SDK1: variants seen among roughly 807,000 people sequenced by gnomAD.
SDK1 encodes the protein protein sidekick-1.
A neutral mutation model predicts 245.5 loss-of-function variants in SDK1; 157 were observed. That is an observed-to-expected ratio of 0.64 (90% CI 0.56 to 0.73). The LOEUF (loss-of-function observed/expected upper bound fraction) is 0.73. Among genes scored for constraint, SDK1 ranks in the 30% least tolerant of loss-of-function variants. SDK1 has a pLI of 0.00. For synonymous variants in SDK1, 1,647 were observed against 1,278.5 expected (o/e 1.29, Z -6.15); for missense variants, 3,583 against 3,002.3 (o/e 1.19, Z -4.52).
At chr7:3,817,254 C>T (rs936154657) in intron 4 of SDK1, among the ~76,000 whole-genome samples, 20 of 152,178 alleles carry the variant, frequency 1.3e-4, no homozygotes, top group Non-Finnish European at 5.9e-5. Context: ...AACTCTTCCC[C>T]TTGGGTCCAT....
intron 14 of SDK1, among the ~76,000 whole-genome samples, chr7:3,990,262 A>G (rs2128140580): frequency 6.6e-6 from 1 of 152,332 alleles, no homozygotes; most frequent in Non-Finnish European, 1.5e-5. Flanking sequence ...GTGAGGCCAG[A>G]GTCCAGGCCC....
At chr7:3,544,312 C>A (rs1300027176) in intron 1 of SDK1, among the ~76,000 whole-genome samples, 1 of 152,208 alleles carries the variant, frequency 6.6e-6, no homozygotes. Context: ...TAGAATAGAA[C>A]ATATTTTGTC....
At chr7:3,783,807 T>G (rs1255342085) in intron 4 of SDK1, among the ~76,000 whole-genome samples, 1 of 152,168 alleles carries the variant, frequency 6.6e-6, no homozygotes, top group Non-Finnish European at 1.5e-5. Flanking sequence ...TTCAGTGCAG[T>G]TCTTATCAAA....
chr7:3,834,422 A>C (rs1447112985), intron 5 of SDK1, among the ~76,000 whole-genome samples: 1 of 152,226 alleles, frequency 6.6e-6, no homozygotes, highest in East Asian at 1.9e-4. Context: ...TGTGTAGAAG[A>C]AGCTTCCGAA....
intron 3 of SDK1, among the ~76,000 whole-genome samples, chr7:3,639,460 A>G (rs554048913): frequency 5.9e-5 from 9 of 152,312 alleles, no homozygotes; most frequent in Admixed American, 4.6e-4. Context: ...GTTCAACCCA[A>G]TTAGGTCAAA....
chr7:3,481,032 C>G (rs759635388), intron 1 of SDK1, among the ~76,000 whole-genome samples: 3 of 152,148 alleles, frequency 2.0e-5, no homozygotes, highest in South Asian at 2.1e-4. Flanking sequence ...TCTGACAATA[C>G]TTGTTTTAAA....
chr7:3,980,898 C>T (rs781753780), intron 13 of SDK1, among the ~76,000 whole-genome samples: 2 of 151,506 alleles, frequency 1.3e-5, no homozygotes, highest in East Asian at 3.9e-4. Flanking sequence ...CCGAATTGCA[C>T]CACTGCACTC....
At chr7:3,585,166 G>C (rs1057297217) in intron 1 of SDK1, among the ~76,000 whole-genome samples, 1 of 152,134 alleles carries the variant, frequency 6.6e-6, no homozygotes, top group Non-Finnish European at 1.5e-5. Context: ...CTTTCCAGAG[G>C]ACCTGAGCAA....
intron 38 of SDK1, among the ~76,000 whole-genome samples, chr7:4,214,843 G>A (rs943270842): frequency 6.6e-6 from 1 of 152,200 alleles, no homozygotes; most frequent in East Asian, 1.9e-4. Flanking sequence ...GGCCCCCGCC[G>A]GGGTCTTTCC....
intron 4 of SDK1, among the ~76,000 whole-genome samples, chr7:3,680,596 C>G (rs960225176): frequency 2.0e-5 from 3 of 152,064 alleles, no homozygotes; most frequent in Admixed American, 1.3e-4. Flanking sequence ...TACATAAGAC[C>G]TTTCTGTACA....
intron 1 of SDK1, among the ~76,000 whole-genome samples, chr7:3,416,583 G>A (rs1338595133): frequency 6.6e-6 from 1 of 151,572 alleles, no homozygotes; most frequent in East Asian, 1.9e-4. Flanking sequence ...GTGTTCCCCT[G>A]GCAGGCCTAA....
chr7:3,360,005 C>G (rs1465271066), intron 1 of SDK1, among the ~76,000 whole-genome samples: 1 of 152,164 alleles, frequency 6.6e-6, no homozygotes, highest in Non-Finnish European at 1.5e-5. Flanking sequence ...TATTACAACA[C>G]TTTGTTTTGC....
At chr7:4,115,162 C>T (rs1783621113) in intron 25 of SDK1, among the ~76,000 whole-genome samples, 1 of 152,208 alleles carries the variant, frequency 6.6e-6, no homozygotes, top group African/African-American at 2.4e-5. Flanking sequence ...TGTCACCTGA[C>T]CCCGGTCCCT....
chr7:3,370,738 C>G (rs1177126641), intron 1 of SDK1, among the ~76,000 whole-genome samples: 1 of 152,168 alleles, frequency 6.6e-6, no homozygotes, highest in African/African-American at 2.4e-5. Context: ...TGAACTAGAA[C>G]AAGACAAATG....
intron 44 of SDK1, among the ~76,000 whole-genome samples, chr7:4,248,482 TAC>T (rs1233377231): frequency 6.7e-6 from 1 of 149,902 alleles, no homozygotes; most frequent in Non-Finnish European, 1.5e-5. Flanking sequence ...CTTACCTAAA[TAC>T]ACACAACATA....
At position 4,145,708 on chromosome 7, in the gene SDK1, T is replaced by C. The variant is rs1471066985; in HGVS notation, c.4229-14T>C. The C allele has an allele frequency of 2.5e-6, 4 of 1,589,656 alleles. No homozygotes were observed. The highest frequency in any genetic ancestry group is 3.4e-6 in the Non-Finnish European group (4 of 1,167,444). On this transcript the variant is annotated splice_polypyrimidine_tract_variant and intron_variant, in intron 28 of 44. Transcript: ENST00000404826. ...ACTGGCTCAGCAGCTGTCTCCCATG[T>C]CACCTGCCTGCAGGGTACCAGATTG...
chr7:3,583,908 C>A (rs1780598713), intron 1 of SDK1, among the ~76,000 whole-genome samples: 1 of 152,092 alleles, frequency 6.6e-6, no homozygotes, highest in South Asian at 2.1e-4. Flanking sequence ...ACAGAGAGGC[C>A]TTGTTTGCTT....
chr7:4,249,653 G>A (rs1379478007), intron 44 of SDK1, among the ~76,000 whole-genome samples: 1 of 152,180 alleles, frequency 6.6e-6, no homozygotes, highest in East Asian at 1.9e-4. Flanking sequence ...TGCTCCCCAG[G>A]TTTTTGAGTG....
chr7:3,707,491 T>C (rs1002434609), intron 4 of SDK1, among the ~76,000 whole-genome samples: 2 of 152,232 alleles, frequency 1.3e-5, no homozygotes, highest in African/African-American at 2.4e-5. Context: ...TCTTGGAGAC[T>C]GTTCCATATG....
Sources: gnomAD v4.1 joint callset for allele counts (sites outside exome capture counted in the v4.1 genomes callset) on GRCh38, gnomAD v4.1.1 for gene constraint, MANE v1.5 for transcripts, NCBI Gene and HGNC (gene_info 2026-07-23, HGNC 2026-07-21) for gene names.